Variants in SDK1 observed in about 807,000 individuals in gnomAD.
The protein encoded by SDK1 is sidekick cell adhesion molecule 1.
SDK1 carries 157 observed loss-of-function variants against 245.5 expected under a neutral mutation model. The ratio of observed to expected loss-of-function variants is 0.64; its 90% CI spans 0.56 to 0.73. The LOEUF (loss-of-function observed/expected upper bound fraction) is 0.73. Among genes scored for constraint, SDK1 ranks in the 30% least tolerant of loss-of-function variants. SDK1 has a pLI of 0.00. For missense variants in SDK1, 3,583 were observed against 3,002.3 expected, an observed-to-expected ratio of 1.19 and a Z score of -4.52; for synonymous variants, 1,647 against 1,278.5, an observed-to-expected ratio of 1.29 and a Z score of -6.15.
Position 3,360,445 on chromosome 7 carries a change from C to T in SDK1, c.298+58561C>T, listed in dbSNP as rs186428458. Among the ~76,000 whole-genome samples, 270 of 152,244 alleles carry T rather than the reference C, an allele frequency of 1.8e-3. 2 individuals are homozygous for T. The highest frequency in any genetic ancestry group is 6.1e-3 in the African/African-American group (253 of 41,536). On this transcript the variant is annotated intron_variant, in intron 1 of 44. Coordinates refer to ENST00000404826, the MANE Select transcript of SDK1 (RefSeq NM_152744.4). ...AGCTCTGGGATGTCCCACTCAGATG[C>T]CAGGCTTATAATGTTATTGAAGTGT... is the stretch of plus-strand genomic sequence containing the variant.
rs562491642 is a variant in SDK1 at position 3,649,914 on chromosome 7, G to A, written c.713+7809G>A. On this transcript the variant is annotated intron_variant, in intron 4 of 44. Coordinates refer to ENST00000404826, the MANE Select transcript of SDK1 (RefSeq NM_152744.4). ...AAGAGCTTGATGTATTTGCTAAACT[G>A]AAAGAGACTCTGACCCTGTATCCCC... Among the ~76,000 whole-genome samples, 3 of 151,828 alleles carry A rather than the reference G, an allele frequency of 2.0e-5. No homozygotes were observed. The East Asian group carries it at 5.8e-4, about 29-fold the overall frequency.
intron 1 of SDK1, among the ~76,000 whole-genome samples, chr7:3,471,590 A>G (rs1452251256): frequency 1.3e-5 from 2 of 152,138 alleles, no homozygotes; most frequent in African/African-American, 4.8e-5. Flanking sequence ...GCGTATTTAC[A>G]CTATGTTTTC....
chr7:3,329,328 A>G (rs1326590102), intron 1 of SDK1, among the ~76,000 whole-genome samples: 1 of 152,154 alleles, frequency 6.6e-6, no homozygotes, highest in East Asian at 1.9e-4. Flanking sequence ...GGGAGGAAAC[A>G]AGCTCCTTTT....
At chr7:4,170,603 G>A (rs1781779390) in intron 32 of SDK1, among the ~76,000 whole-genome samples, 1 of 152,178 alleles carries the variant, frequency 6.6e-6, no homozygotes, top group Admixed American at 6.5e-5. Context: ...CCAGATTGCA[G>A]TTGCATATAA....
intron 4 of SDK1, among the ~76,000 whole-genome samples, chr7:3,779,701 G>A (rs1317149008): frequency 6.6e-6 from 1 of 152,118 alleles, no homozygotes; most frequent in Non-Finnish European, 1.5e-5. Flanking sequence ...GGGAGGCCGA[G>A]GCGGGTGGAT....
intron 32 of SDK1, among the ~76,000 whole-genome samples, chr7:4,166,401 C>T (rs1453007028): frequency 6.6e-6 from 1 of 152,238 alleles, no homozygotes; most frequent in Non-Finnish European, 1.5e-5. Flanking sequence ...AGGAAGACAG[C>T]AGAAGGAACG....
intron 20 of SDK1, among the ~76,000 whole-genome samples, chr7:4,069,314 A>G (rs1780096059): frequency 2.6e-5 from 4 of 151,890 alleles, no homozygotes. Context: ...TTTTTTTTCT[A>G]AACATTACCA....
chr7:4,083,546 C>CTCCCTCCCTTCA (rs1554335127), intron 22 of SDK1, among the ~76,000 whole-genome samples: 2,300 of 93,134 alleles, frequency 0.025, 180 homozygotes, highest in African/African-American at 0.12. Flanking sequence ...CCCTCCCTCC[C>CTCCCTCCCTTCA]TCCCTCCCTC....
At chr7:3,580,751 G>T (rs1780453204) in intron 1 of SDK1, among the ~76,000 whole-genome samples, 1 of 152,004 alleles carries the variant, frequency 6.6e-6, no homozygotes, top group Admixed American at 6.6e-5. Context: ...GGCGGAGCAT[G>T]AGGTCAAGAG....
intron 9 of SDK1, among the ~76,000 whole-genome samples, chr7:3,964,906 A>G (rs554161021): frequency 2.6e-5 from 4 of 152,242 alleles, no homozygotes; most frequent in Middle Eastern, 3.4e-3. Context: ...TTTGTCTTTC[A>G]TTTTGGAGCT....
chr7:3,898,193 A>C (rs572196200), intron 5 of SDK1, among the ~76,000 whole-genome samples: 1 of 152,342 alleles, frequency 6.6e-6, no homozygotes, highest in East Asian at 1.9e-4. Flanking sequence ...ACTCAGTGAC[A>C]GAGGTTATTT....
At chr7:4,066,011 G>C (rs887128207) in intron 19 of SDK1, among the ~76,000 whole-genome samples, 1 of 152,100 alleles carries the variant, frequency 6.6e-6, no homozygotes, top group Non-Finnish European at 1.5e-5. Context: ...CCATCCAGCA[G>C]GTTCACTAGG....
intron 4 of SDK1, among the ~76,000 whole-genome samples, chr7:3,759,199 G>A (rs747440338): frequency 1.3e-5 from 2 of 152,122 alleles, no homozygotes; most frequent in South Asian, 4.1e-4. Context: ...CAAGGGGTTT[G>A]GATCATAATT....
In SDK1 at chr7:4,042,508, C is replaced by T. The variant is rs1465348964; in HGVS notation, c.2603-6840C>T. On this transcript the variant is annotated intron_variant, in intron 17 of 44. Coordinates refer to ENST00000404826, the MANE Select transcript of SDK1 (RefSeq NM_152744.4). ...CAGGTGCCTGCGTGGGGGGAATTAT[C>T]CAGTGAAAAGATATTTGTCTGCTCA... Among the ~76,000 whole-genome samples, 10 of 136,134 alleles carry T rather than the reference C, an allele frequency of 7.3e-5. 2 individuals carry two copies. Among genetic ancestry groups the T allele is most frequent in the Non-Finnish European group, 4.6e-5 (3 of 65,840 alleles). The allele number at this position is 136,134 out of a possible 152,430, so 89.3% of individuals were successfully genotyped here. A position where few individuals can be genotyped will look rare whatever the true frequency, so the allele number is the denominator to read the frequency against.
intron 5 of SDK1, among the ~76,000 whole-genome samples, chr7:3,914,470 G>A (rs181116056): frequency 6.6e-6 from 1 of 152,154 alleles, no homozygotes; most frequent in African/African-American, 2.4e-5. Flanking sequence ...TAAGATTAAC[G>A]GCTTAGAGGG....
intron 5 of SDK1, among the ~76,000 whole-genome samples, chr7:3,911,606 G>A (rs1442483322): frequency 6.6e-6 from 1 of 152,190 alleles, no homozygotes; most frequent in East Asian, 1.9e-4. Flanking sequence ...ACCTTGGGTA[G>A]CAGGTTTCAA....
chr7:3,734,007 T>C (rs1779252902), intron 4 of SDK1, among the ~76,000 whole-genome samples: 1 of 152,220 alleles, frequency 6.6e-6, no homozygotes, highest in South Asian at 2.1e-4. Context: ...TGAGGATTCA[T>C]GCTGGGAACA....
intron 5 of SDK1, among the ~76,000 whole-genome samples, chr7:3,878,071 C>G (rs1020066256): frequency 6.6e-5 from 10 of 152,196 alleles, no homozygotes; most frequent in African/African-American, 2.2e-4. Flanking sequence ...CCCATTAAAG[C>G]ATATGTAATG....
chr7:3,625,493 C>T (rs1782087646), intron 2 of SDK1, among the ~76,000 whole-genome samples: 1 of 152,116 alleles, frequency 6.6e-6, no homozygotes, highest in Admixed American at 6.5e-5. Flanking sequence ...TCCCAGGAAG[C>T]AGGTGTAAAG....
Sources: allele counts gnomAD v4.1 joint callset (sites outside exome capture counted in the v4.1 genomes callset), GRCh38; gene constraint gnomAD v4.1.1; transcripts MANE v1.5; gene names NCBI Gene and HGNC (gene_info 2026-07-23, HGNC 2026-07-21).